Variants in FAN1 observed in about 807,000 individuals in gnomAD.
FAN1 encodes fanconi-associated nuclease 1.
Under a neutral mutation model 104.9 loss-of-function variants are expected in FAN1, and 91 were observed. The ratio of observed to expected loss-of-function variants is 0.87; its 90% CI spans 0.73 to 1.03. FAN1 has a LOEUF of 1.03. Ranked by LOEUF, FAN1 falls within the 50% of genes least tolerant of loss-of-function variation. The pLI, the probability that FAN1 is intolerant of heterozygous loss-of-function variation, is 0.00. For missense variants in FAN1, 1,263 were observed against 1,239.9 expected (o/e 1.02, Z -0.28); for synonymous variants, 478 against 457.6 (o/e 1.04, Z -0.57).
intron 7 of FAN1, among the ~76,000 whole-genome samples, chr15:30,921,732 C>CA (rs1213824212): frequency 6.6e-6 from 1 of 152,186 alleles, no homozygotes; most frequent in Non-Finnish European, 1.5e-5. Context: ...AGAAGATTAA[C>CA]AAACAGAATG....
intron 13 of FAN1, among the ~76,000 whole-genome samples, chr15:30,933,546 G>A (rs1205981997): frequency 6.6e-6 from 1 of 152,144 alleles, no homozygotes; most frequent in Non-Finnish European, 1.5e-5. Context: ...TCCAGAATAT[G>A]GTATTCCCTG....
intron 4 of FAN1, among the ~76,000 whole-genome samples, chr15:30,912,478 C>T (rs1398908427): frequency 2.0e-5 from 3 of 152,226 alleles, no homozygotes; most frequent in Non-Finnish European, 4.4e-5. Flanking sequence ...ATCCCCGGGA[C>T]TCTGCGTGGA....
At position 30,942,934 on chromosome 15, in the gene FAN1, G is replaced by C; in HGVS notation, c.*1372G>C. On this transcript the variant is annotated 3_prime_UTR_variant, in exon 15 of 15. Transcript: ENST00000362065. ...TTCACGGAGCCATTCTGTATACAAG[G>C]TGTGCTCTTTCCAATGTAGAAGGGG... 6.4e-7 allele frequency: 1 copy of C among 1,567,740 alleles called. No homozygotes were observed. The highest frequency in any genetic ancestry group is 8.7e-7 in the Non-Finnish European group (1 of 1,154,002).
intron 3 of FAN1, 48 bp downstream of exon 3, chr15:30,908,306 C>T (rs1402819409): frequency 6.7e-7 from 1 of 1,481,974 alleles, no homozygotes; most frequent in African/African-American, 1.4e-5. Flanking sequence ...ATCTGAAGAA[C>T]TGAGCTTCTG....
At position 30,942,174 on chromosome 15, in the gene FAN1, A is replaced by G; in HGVS notation, c.*612A>G. The G allele has an allele frequency of 7.4e-7, 1 of 1,356,874 alleles. No homozygotes were observed. The highest frequency in any genetic ancestry group is 1.0e-6 in the Non-Finnish European group (1 of 998,744). 84.1% of individuals were successfully genotyped at this position (1,356,874 alleles called of 1,614,324 possible). A position where few individuals can be genotyped will look rare whatever the true frequency, so the allele number is the denominator to read the frequency against. On this transcript the variant is annotated 3_prime_UTR_variant, in exon 15 of 15. Transcript: ENST00000362065. ...CTCAATACTATGAAAAATTAATGGA[A>G]TTTCAGCCTCAAAGAACATTTTCCT...
At position 30,905,666 on chromosome 15, in the gene FAN1, A is replaced by G; in HGVS notation, c.1003A>G (p.Asn335Asp). The G allele has an allele frequency of 1.2e-6, 2 of 1,614,076 alleles. No homozygotes were observed. The highest frequency in any genetic ancestry group is 1.7e-5 in the Admixed American group (1 of 60,024). Residue 335 changes from asparagine to aspartate, a missense_variant, in exon 2 of 15, where the codon AAC (asparagine) becomes GAC (aspartate). Asn to Asp is a conservative substitution (Grantham distance 23). Transcript: ENST00000362065. The part of the protein sequence containing the change: ...SSADDASAWS[N>D]IQEAPLQDDS... ...TGCAGATGATGCTTCTGCATGGAGTAACATCCAAGAGGCTCCTCTGCAGGA... is the reference window on the plus strand; with the variant it reads ...TGCAGATGATGCTTCTGCATGGAGTGACATCCAAGAGGCTCCTCTGCAGGA...
intron 11 of FAN1, chr15:30,928,868 C>T: frequency 1.2e-6 from 1 of 832,286 alleles, no homozygotes. Flanking sequence ...ATTTAGCCTC[C>T]ACCTTACATT....
intron 12 of FAN1, among the ~76,000 whole-genome samples, chr15:30,929,819 T>TCATATATAATATATATAAAATATATAA (rs1263768371): frequency 2.3e-5 from 1 of 44,382 alleles, no homozygotes; most frequent in Non-Finnish European, 3.3e-5. Context: ...ATATAATATA[T>TCATATATAATATATATAAAATATATAA]TATATCATAT....
rs777494363 is a variant in FAN1, at chr15:30,928,595, T to G, written c.2531T>G (p.Leu844Arg). Residue 844 changes from leucine (L) to arginine (R), a missense_variant, in exon 11 of 15, where the codon CTC (leucine) becomes CGC (arginine). Transcript: ENST00000362065. Reference protein sequence around the residue: ...EGSTFSTLYGLLLWDIIFMDG... With the variant: ...EGSTFSTLYGRLLWDIIFMDG... The stretch of plus-strand genomic sequence containing the variant: ...TCCACCTTCAGCACCCTGTATGGCC[T>G]CCTCCTGTGGGACATCATCTTCATG... 4 of 1,611,636 alleles carry G rather than the reference T, an allele frequency of 2.5e-6. No homozygotes were observed. The highest frequency in any genetic ancestry group is 2.5e-6 in the Non-Finnish European group (3 of 1,179,130).
chr15:30,939,455 A>T (rs958203225), intron 14 of FAN1: 2 of 985,372 alleles, frequency 2.0e-6, no homozygotes, highest in African/African-American at 3.5e-5. Flanking sequence ...GGCCCGACTG[A>T]AGGCTGTCAT....
Position 30,908,766 on chromosome 15 carries a change from G to A in FAN1, c.1375+508G>A, listed in dbSNP as rs145673314. 1.5e-3 allele frequency among the ~76,000 whole-genome samples: 230 copies of A among 152,254 alleles called. 3 individuals carry two copies. In the East Asian group the frequency reaches 0.038, roughly 25 times the overall value. On this transcript the variant is annotated intron_variant, in intron 3 of 14. Transcript: ENST00000362065. ...TGAGGCAGGAGAATCACTTGAACCCGGGAGGCTGAGGTTGCGGTGAGCTGA... is the reference window on the plus strand; with the variant it reads ...TGAGGCAGGAGAATCACTTGAACCCAGGAGGCTGAGGTTGCGGTGAGCTGA...
chr15:30,910,972 T>C lies in FAN1; in HGVS notation c.1577+157T>C, dbSNP rs566883406. ...GCCTTAATTGCAATAGCCTGGATTC[T>C]TTCTTGGGTTATTATTCAAAATTTT... On this transcript the variant is annotated intron_variant, in intron 4 of 14. Coordinates refer to ENST00000362065, the MANE Select transcript of FAN1 (RefSeq NM_014967.5). The C allele has an allele frequency of 3.0e-4, 395 of 1,332,246 alleles. No homozygotes were observed. The African/African-American group carries it at 5.3e-3, about 18-fold the overall frequency. 82.5% of individuals were successfully genotyped at this position (1,332,246 alleles called of 1,614,324 possible).
rs2062789025 is a variant in FAN1 at position 30,934,094 on chromosome 15, GTC to G, written c.2917-3023_2917-3022del. On this transcript the variant is annotated intron_variant, in intron 13 of 14. Transcript: ENST00000362065. ...ACTATTTGCTTCATGTATTTTGAAG[GTC>G]TGTTATAAGACGCATAGACTTTTAG... Among the ~76,000 whole-genome samples the G allele has an allele frequency of 2.0e-5, 3 of 152,052 alleles. No individual in the cohort carries two copies. The South Asian group carries it at 6.2e-4, about 32-fold the overall frequency.
At chr15:30,928,081 G>A (rs2062510213) in intron 10 of FAN1, 6 of 1,000,500 alleles carry the variant, frequency 6.0e-6, no homozygotes, top group South Asian at 4.4e-5. Flanking sequence ...GGCCAAGAAC[G>A]GAGGTGGCTG....
intron 4 of FAN1, chr15:30,911,607 C>T (rs2062102492): frequency 1.1e-6 from 1 of 943,856 alleles, no homozygotes. Flanking sequence ...AAAAGTACTT[C>T]AATAAATTAC....
intron 4 of FAN1, 76 bp downstream of exon 4, chr15:30,910,891 T>G (rs2062085702): frequency 6.7e-7 from 1 of 1,483,040 alleles, no homozygotes; most frequent in African/African-American, 1.4e-5. Context: ...GATTGTATAC[T>G]TGATTGAACT....
Position 30,943,048 on chromosome 15 carries a change from G to C in FAN1, c.*1486G>C, listed in dbSNP as rs939669341. ...TTTAAGCCCTTCTCATCACCCAATT[G>C]GATGTTTTTGCTTATAGCAAATTCC... On this transcript the variant is annotated 3_prime_UTR_variant, in exon 15 of 15. Transcript: ENST00000362065. The C allele has an allele frequency of 2.6e-6, 4 of 1,538,310 alleles. No individual in the cohort carries two copies. Among genetic ancestry groups the C allele is most frequent in the Non-Finnish European group, 3.5e-6 (4 of 1,143,502 alleles).
At position 30,942,185 on chromosome 15, in the gene FAN1, A is replaced by G; in HGVS notation, c.*623A>G. 7.7e-7 allele frequency: 1 copy of G among 1,304,980 alleles called. No homozygotes were observed. Among genetic ancestry groups the G allele is most frequent in the Non-Finnish European group, 1.0e-6 (1 of 953,850 alleles). 80.8% of individuals were successfully genotyped at this position (1,304,980 alleles called of 1,614,324 possible). ...GAAAAATTAATGGAATTTCAGCCTCAAAGAACATTTTCCTCCCTTCCTTTG... is the reference window on the plus strand; with the variant it reads ...GAAAAATTAATGGAATTTCAGCCTCGAAGAACATTTTCCTCCCTTCCTTTG... On this transcript the variant is annotated 3_prime_UTR_variant, in exon 15 of 15. Transcript: ENST00000362065.
intron 4 of FAN1, 154 bp downstream of exon 4, chr15:30,910,969 T>A: frequency 1.5e-6 from 2 of 1,351,016 alleles, no homozygotes; most frequent in Non-Finnish European, 1.9e-6. Context: ...ATAGCCTGGA[T>A]TCTTTCTTGG....
Sources: allele counts gnomAD v4.1 joint callset (sites outside exome capture counted in the v4.1 genomes callset), GRCh38; gene constraint gnomAD v4.1.1; transcripts MANE v1.5; gene names NCBI Gene and HGNC (gene_info 2026-07-23, HGNC 2026-07-21).